The following PRSS53 variants were observed in gnomAD, a reference collection of about 807,000 sequenced individuals.
The protein encoded by PRSS53 is EDTP308.
A neutral mutation model predicts 62.7 loss-of-function variants in PRSS53; 54 were observed. That is an observed-to-expected ratio of 0.86 (90% CI 0.69 to 1.08). The LOEUF (loss-of-function observed/expected upper bound fraction) is 1.08, where lower values mean the gene tolerates loss of function less well. PRSS53 is among the 50% of genes least tolerant of loss of function. The pLI is 0.00. For synonymous variants in PRSS53, 273 were observed against 300.0 expected (o/e 0.91, Z 0.93); for missense variants, 688 against 728.3 (o/e 0.94, Z 0.64).
chr16:31,088,580 T>C, intron 1 of PRSS53, 172 bp downstream of exon 1: 1 of 1,440,814 alleles, frequency 6.9e-7, no homozygotes, highest in Non-Finnish European at 9.1e-7. Flanking sequence ...CTCATCCATG[T>C]TGACACAGGT....
intron 3 of PRSS53, 31 bp downstream of exon 3, chr16:31,087,506 G>A (rs777147419): frequency 2.5e-6 from 4 of 1,575,364 alleles, no homozygotes; most frequent in Admixed American, 1.7e-5. Context: ...CCCAGAGCCG[G>A]AGACCCTGCC....
chr16:31,085,983 A>C, exon 6 of PRSS53: 1 of 1,613,336 alleles, frequency 6.2e-7, no homozygotes, highest in Non-Finnish European at 8.5e-7. Context: ...TGTCCTCATC[A>C]CTCATCTCCG....
At chr16:31,083,578 C>T (rs1362290662) in exon 11 of PRSS53, 1 of 1,442,454 alleles carries the variant, frequency 6.9e-7, no homozygotes, top group Non-Finnish European at 9.1e-7. Flanking sequence ...TGCTTGGTAG[C>T]AGAGTTGGGT....
At chr16:31,084,675 C>T (rs1282336774) in exon 9 of PRSS53, 1 of 1,611,990 alleles carries the variant, frequency 6.2e-7, no homozygotes, top group South Asian at 1.1e-5. Context: ...CCAGGAGGGT[C>T]ACGGGCACTG....
chr16:31,087,564 A>T (rs557750898), exon 3 of PRSS53: 1 of 1,613,270 alleles, frequency 6.2e-7, no homozygotes, highest in Non-Finnish European at 8.5e-7. Flanking sequence ...AGCAGTGAGG[A>T]CCCAGGTGTC....
exon 10 of PRSS53, chr16:31,084,200 C>A: frequency 6.2e-7 from 1 of 1,610,914 alleles, no homozygotes; most frequent in South Asian, 1.1e-5. Flanking sequence ...AAACTGCTGA[C>A]CCAGTCCTCA....
Position 31,083,477 on chromosome 16 carries a change from ACTG to A in PRSS53, c.*310_*312del, listed in dbSNP as rs919708518. 139 of 1,318,576 alleles carry A rather than the reference ACTG, an allele frequency of 1.1e-4. No individual in the cohort carries two copies. The African/African-American group carries it at 1.7e-3, about 16-fold the overall frequency. 81.7% of individuals were successfully genotyped at this position (1,318,576 alleles called of 1,614,324 possible). A position where few individuals can be genotyped will look rare whatever the true frequency, so the allele number is the denominator to read the frequency against. ...TTTATTTAAGTTTAAAAAAAGGAAAACTGCTGCCCCCCAAAAAAAGAAATTTTC... is the reference window on the plus strand; with the variant it reads ...TTTATTTAAGTTTAAAAAAAGGAAAACTGCCCCCCAAAAAAAGAAATTTTC... On this transcript the variant is annotated 3_prime_UTR_variant, in exon 11 of 11. Coordinates refer to ENST00000280606, the Ensembl canonical transcript of PRSS53.
At chr16:31,087,143 G>A (rs1808349999) in intron 3 of PRSS53, 3 of 540,944 alleles carry the variant, frequency 5.5e-6, no homozygotes, top group Non-Finnish European at 6.5e-6. Context: ...GACTACAGGC[G>A]TGCACCACCA....
exon 9 of PRSS53, chr16:31,084,611 T>C: frequency 6.2e-7 from 1 of 1,607,328 alleles, no homozygotes; most frequent in East Asian, 2.2e-5. Context: ...CCCGGCAGAA[T>C]AGGGCTGCCA....
At chr16:31,086,936 A>C in intron 3 of PRSS53, 38 bp from the exon 4 acceptor site, 3 of 1,545,744 alleles carry the variant, frequency 1.9e-6, no homozygotes, top group Non-Finnish European at 2.6e-6. Context: ...TGCTGAGTGC[A>C]AGGGTAGACA....
chr16:31,085,493 C>G (rs1461640641), intron 6 of PRSS53, among the ~76,000 whole-genome samples: 1 of 152,192 alleles, frequency 6.6e-6, no homozygotes, highest in Non-Finnish European at 1.5e-5. Context: ...GACCCCTGTC[C>G]CAGCCTCGTG....
At chr16:31,083,934 C>A in intron 10 of PRSS53, 125 bp from the exon 11 acceptor site, 1 of 1,539,828 alleles carries the variant, frequency 6.5e-7, no homozygotes, top group South Asian at 1.2e-5. Flanking sequence ...TACTGAGGCT[C>A]AAAGCGGTTG....
At chr16:31,084,977 T>C (rs1462972039) in exon 8 of PRSS53, 18 of 1,565,592 alleles carry the variant, frequency 1.1e-5, no homozygotes, top group Non-Finnish European at 1.6e-5. Flanking sequence ...GCCCCACTCC[T>C]CCGGTCTGGT....
At chr16:31,084,015 AC>A in intron 10 of PRSS53, 103 bp downstream of exon 10, 1 of 1,501,118 alleles carries the variant, frequency 6.7e-7, no homozygotes, top group Non-Finnish European at 8.9e-7. Context: ...CTGTTGCTCC[AC>A]CCTACCCAAG....
chr16:31,088,130 C>T, intron 1 of PRSS53: 4 of 1,351,362 alleles, frequency 3.0e-6, no homozygotes, highest in Non-Finnish European at 3.8e-6. Flanking sequence ...CTGCCCCCGC[C>T]ACTGAGTCAG....
exon 1 of PRSS53, chr16:31,088,811 C>T (rs1382679317): frequency 4.3e-6 from 7 of 1,613,674 alleles, no homozygotes; most frequent in East Asian, 2.2e-5. Flanking sequence ...CCACTTCATG[C>T]TGCCCCGGGC....
intron 1 of PRSS53, 94 bp downstream of exon 1, chr16:31,088,658 C>T (rs974441103): frequency 2.5e-5 from 40 of 1,591,166 alleles, no homozygotes; most frequent in Admixed American, 5.1e-5. Context: ...CGCCCACAGG[C>T]GGTCCCCCCA....
intron 1 of PRSS53, 80 bp from the exon 2 acceptor site, chr16:31,087,906 G>A: frequency 6.3e-7 from 1 of 1,583,814 alleles, no homozygotes; most frequent in East Asian, 2.3e-5. Context: ...TGGGCTGGGG[G>A]GCGGGCCCAG....
chr16:31,086,804 C>T (rs769305312), exon 4 of PRSS53: 1 of 1,613,594 alleles, frequency 6.2e-7, no homozygotes, highest in Admixed American at 1.7e-5. Context: ...AACTGCAGGG[C>T]AGCCACCCCC....
Sources: gnomAD v4.1 joint callset for allele counts (sites outside exome capture counted in the v4.1 genomes callset) on GRCh38, gnomAD v4.1.1 for gene constraint, MANE v1.5 for transcripts, NCBI Gene and HGNC (gene_info 2026-07-23, HGNC 2026-07-21) for gene names.